The following SLIT3 variants were observed in gnomAD, a reference collection of about 807,000 sequenced individuals.
SLIT3 encodes slit homolog 3 protein.
Under a neutral mutation model 184.0 loss-of-function variants are expected in SLIT3, and 68 were observed. The observed-to-expected ratio is 0.37, with a 90% CI of 0.30 to 0.45. SLIT3 has a LOEUF of 0.45. Among genes scored for constraint, SLIT3 ranks in the 20% least tolerant of loss-of-function variants. SLIT3 has a pLI of 1.00. For synonymous variants in SLIT3, 831 were observed against 828.6 expected, an observed-to-expected ratio of 1.00 and a Z score of -0.05; for missense variants, 1,707 against 2,026.0, an observed-to-expected ratio of 0.84 and a Z score of 3.02.
chr5:169,059,271 C>T lies in SLIT3; in HGVS notation c.413+134208G>A, dbSNP rs114542665. 7.7e-3 allele frequency among the ~76,000 whole-genome samples: 1,165 copies of T among 152,222 alleles called. 20 individuals carry two copies. Among genetic ancestry groups the T allele is most frequent in the African/African-American group, 0.027 (1,105 of 41,528 alleles). On this transcript the variant is annotated intron_variant, in intron 4 of 35. Coordinates refer to ENST00000519560, the MANE Select transcript of SLIT3 (RefSeq NM_003062.4). ...CAAGTGAAAAAAGGCACTGTCCCCCCTCTAGGAGCAAAGTGGGGCAGAGAC... is the reference window on the plus strand; with the variant it reads ...CAAGTGAAAAAAGGCACTGTCCCCCTTCTAGGAGCAAAGTGGGGCAGAGAC...
At chr5:169,298,607 A>G (rs1001980005) in intron 1 of SLIT3, among the ~76,000 whole-genome samples, 6 of 152,194 alleles carry the variant, frequency 3.9e-5, no homozygotes, top group Non-Finnish European at 8.8e-5. Flanking sequence ...ACAGCAGCCT[A>G]TTCTAAGATC....
chr5:168,844,694 G>A, intron 5 of SLIT3, 39 bp from the exon 6 acceptor site: 10 of 1,598,858 alleles, frequency 6.3e-6, no homozygotes, highest in Non-Finnish European at 7.7e-6. Context: ...GCTGAGCGGG[G>A]GCAGCGTGAG....
chr5:169,292,501 A>G (rs1383100877), intron 1 of SLIT3, among the ~76,000 whole-genome samples: 1 of 152,242 alleles, frequency 6.6e-6, no homozygotes, highest in Non-Finnish European at 1.5e-5. Flanking sequence ...CAAGCCAAGA[A>G]GACCTCAACA....
At chr5:168,715,978 T>G (rs1388431488) in intron 23 of SLIT3, among the ~76,000 whole-genome samples, 1 of 150,830 alleles carries the variant, frequency 6.6e-6, no homozygotes, top group Non-Finnish European at 1.5e-5. Flanking sequence ...AGCCTACATA[T>G]TTCTTTTTCA....
chr5:168,769,679 G>T (rs945137415), intron 14 of SLIT3, among the ~76,000 whole-genome samples: 1 of 152,168 alleles, frequency 6.6e-6, no homozygotes, highest in Non-Finnish European at 1.5e-5. Context: ...TGGTACAAGA[G>T]CAGGGGAAAT....
chr5:169,265,179 A>G (rs1581118487), intron 1 of SLIT3, among the ~76,000 whole-genome samples: 1 of 151,936 alleles, frequency 6.6e-6, no homozygotes, highest in East Asian at 1.9e-4. Flanking sequence ...AAACAAACAA[A>G]CAAAACGTAC....
At chr5:168,768,427 A>AG (rs11424849) in intron 14 of SLIT3, among the ~76,000 whole-genome samples, 146,399 of 152,200 alleles carry the variant, frequency 0.96, 70,468 homozygotes, top group East Asian at 1. Context: ...GCCCCACCCC[A>AG]GGGAGACACA....
chr5:169,194,752 A>G (rs557580784), intron 3 of SLIT3, among the ~76,000 whole-genome samples: 2 of 152,160 alleles, frequency 1.3e-5, no homozygotes, highest in African/African-American at 4.8e-5. Context: ...GATGGCTCAC[A>G]TTGGATGTTG....
chr5:169,296,913 C>T (rs1337373884), intron 1 of SLIT3, among the ~76,000 whole-genome samples: 1 of 152,206 alleles, frequency 6.6e-6, no homozygotes, highest in Non-Finnish European at 1.5e-5. Context: ...GAGAAGTGGG[C>T]CTCTGCCTGC....
At chr5:168,683,295 G>A (rs892675992) in intron 32 of SLIT3, among the ~76,000 whole-genome samples, 10 of 151,770 alleles carry the variant, frequency 6.6e-5, no homozygotes, top group African/African-American at 2.4e-4. Context: ...GCTTGAATCT[G>A]GGAGACAGAG....
intron 12 of SLIT3, 53 bp downstream of exon 12, chr5:168,785,853 TG>T: frequency 1.5e-6 from 2 of 1,304,322 alleles, no homozygotes; most frequent in South Asian, 1.2e-5. Context: ...CGTTTTCAGG[TG>T]GGAGCCTTCC....
chr5:168,767,208 A>G (rs1394409595), intron 14 of SLIT3, among the ~76,000 whole-genome samples: 1 of 152,234 alleles, frequency 6.6e-6, no homozygotes, highest in Non-Finnish European at 1.5e-5. Flanking sequence ...TCTGAGGGGT[A>G]ACCTCAGATA....
At chr5:168,801,260 T>C (rs1297183994) in intron 9 of SLIT3, among the ~76,000 whole-genome samples, 2 of 152,154 alleles carry the variant, frequency 1.3e-5, no homozygotes, top group African/African-American at 2.4e-5. Context: ...CTGATGTCCA[T>C]GATTTCTAGA....
chr5:168,863,039 C>T (rs1044581071), intron 5 of SLIT3, among the ~76,000 whole-genome samples: 5 of 151,754 alleles, frequency 3.3e-5, no homozygotes, highest in East Asian at 3.9e-4. Flanking sequence ...GGGGTGCAGA[C>T]GGAGACGAAT....
At chr5:168,690,140 T>G (rs1761862479) in intron 29 of SLIT3, among the ~76,000 whole-genome samples, 1 of 144,040 alleles carries the variant, frequency 6.9e-6, no homozygotes, top group Non-Finnish European at 1.5e-5. Flanking sequence ...TTTTCTTTCT[T>G]TTTTTTTTTT....
intron 3 of SLIT3, among the ~76,000 whole-genome samples, chr5:169,217,411 C>T (rs1450446289): frequency 6.6e-6 from 1 of 152,050 alleles, no homozygotes; most frequent in Non-Finnish European, 1.5e-5. Flanking sequence ...CGTGGCAATC[C>T]CAGGGCTCGA....
chr5:169,019,918 A>G (rs1756534104), intron 4 of SLIT3, among the ~76,000 whole-genome samples: 1 of 152,212 alleles, frequency 6.6e-6, no homozygotes, highest in South Asian at 2.1e-4. Flanking sequence ...ATAGTTTAAA[A>G]TGCTCTTTGT....
chr5:169,150,531 A>ACACACACACACACACACC (rs1357014421), intron 4 of SLIT3, among the ~76,000 whole-genome samples: 1 of 151,454 alleles, frequency 6.6e-6, no homozygotes, highest in Non-Finnish European at 1.5e-5. Context: ...ACACACACAC[A>ACACACACACACACACACC]CACACACACA....
At chr5:169,216,479 A>C (rs1420407048) in intron 3 of SLIT3, among the ~76,000 whole-genome samples, 1 of 152,234 alleles carries the variant, frequency 6.6e-6, no homozygotes. Flanking sequence ...GAAAAATCCA[A>C]GAGATGAGAA....
Sources: gnomAD v4.1 joint callset for allele counts (sites outside exome capture counted in the v4.1 genomes callset) on GRCh38, gnomAD v4.1.1 for gene constraint, MANE v1.5 for transcripts, NCBI Gene and HGNC (gene_info 2026-07-23, HGNC 2026-07-21) for gene names.